The following ADRA1B variants were observed in gnomAD, a reference collection of about 807,000 sequenced individuals.
The protein encoded by ADRA1B is adrenoceptor alpha 1B.
Under a neutral mutation model 17.9 loss-of-function variants are expected in ADRA1B, and 17 were observed. That is an observed-to-expected ratio of 0.95 (90% CI 0.65 to 1.42). The LOEUF is 1.42. ADRA1B is among the 40% of genes most tolerant of loss of function. The pLI, the probability that ADRA1B is intolerant of heterozygous loss-of-function variation, is 0.00. For synonymous variants in ADRA1B, 366 were observed against 327.6 expected (o/e 1.12, Z -1.27); for missense variants, 681 against 722.1 (o/e 0.94, Z 0.65).
intron 1 of ADRA1B, among the ~76,000 whole-genome samples, chr5:159,940,428 G>C (rs781475163): frequency 1.3e-5 from 2 of 152,000 alleles, no homozygotes; most frequent in Non-Finnish European, 2.9e-5. Flanking sequence ...CTGTTAGTTC[G>C]GTTTAGCCAG....
At chr5:159,944,556 T>G (rs765452616) in intron 1 of ADRA1B, among the ~76,000 whole-genome samples, 1 of 152,216 alleles carries the variant, frequency 6.6e-6, no homozygotes, top group Non-Finnish European at 1.5e-5. Context: ...TAATAAAAGA[T>G]GATTGCTTGC....
intron 1 of ADRA1B, among the ~76,000 whole-genome samples, chr5:159,935,113 G>A (rs1370788582): frequency 6.6e-6 from 1 of 152,146 alleles, no homozygotes; most frequent in Non-Finnish European, 1.5e-5. Flanking sequence ...TTCGATGAAT[G>A]GGCTATGTGT....
At chr5:159,969,738 T>C (rs771998833) in intron 1 of ADRA1B, among the ~76,000 whole-genome samples, 1 of 152,190 alleles carries the variant, frequency 6.6e-6, no homozygotes, top group East Asian at 1.9e-4. Flanking sequence ...GGTTAGAAGA[T>C]ACAAAATGTT....
chr5:159,877,583 G>T (rs1177418483), intron 1 of ADRA1B, among the ~76,000 whole-genome samples: 1 of 152,124 alleles, frequency 6.6e-6, no homozygotes, highest in African/African-American at 2.4e-5. Context: ...TAGGGCAGTG[G>T]TCACAAAAAT....
At position 159,971,998 on chromosome 5, in the gene ADRA1B, C is replaced by A. The variant is rs200619403; in HGVS notation, c.1069C>A (p.Arg357Ser). 8.8e-6 allele frequency: 13 copies of A among 1,475,130 alleles called. No individual in the cohort carries two copies. In the Admixed American group the frequency reaches 1.8e-4, roughly 21 times the overall value. 91.4% of individuals were successfully genotyped at this position (1,475,130 alleles called of 1,614,324 possible). Reference sequence around the variant, plus strand: ...CCCATGCTCCAGCAAGGAGTTCAAGCGCGCTTTCGTGCGCATCCTCGGGTG... The same window carrying A: ...CCCATGCTCCAGCAAGGAGTTCAAGAGCGCTTTCGTGCGCATCCTCGGGTG... ...IYPCSSKEFK[R>S]AFVRILGCQC... Residue 357 changes from arginine (R) to serine (S), a missense_variant, in exon 2 of 2, where the codon CGC becomes AGC. Arg to Ser is a moderately radical substitution (Grantham distance 110). Coordinates refer to ENST00000306675, the MANE Select transcript of ADRA1B (RefSeq NM_000679.4).
At chr5:159,885,440 G>A (rs1431054397) in intron 1 of ADRA1B, among the ~76,000 whole-genome samples, 2 of 152,136 alleles carry the variant, frequency 1.3e-5, no homozygotes, top group Non-Finnish European at 2.9e-5. Context: ...TCTGGCCAAT[G>A]AGACATAAGC....
intron 1 of ADRA1B, among the ~76,000 whole-genome samples, chr5:159,949,099 T>G (rs943719382): frequency 1.3e-5 from 2 of 152,202 alleles, no homozygotes; most frequent in Non-Finnish European, 2.9e-5. Flanking sequence ...AAAATTGTAA[T>G]TTCAGGGAAA....
chr5:159,874,883 A>T (rs946900302), intron 1 of ADRA1B, among the ~76,000 whole-genome samples: 2 of 152,324 alleles, frequency 1.3e-5, no homozygotes, highest in African/African-American at 4.8e-5. Context: ...TTGCACGAAA[A>T]GGGTATGTCC....
intron 1 of ADRA1B, chr5:159,866,745 T>C (rs1561578066): frequency 6.6e-6 from 1 of 152,286 alleles, no homozygotes; most frequent in South Asian, 2.1e-4. Context: ...TAGAAACTTC[T>C]GGGGCAAGAA....
At chr5:159,904,868 A>G (rs1035752595) in intron 1 of ADRA1B, among the ~76,000 whole-genome samples, 1 of 152,248 alleles carries the variant, frequency 6.6e-6, no homozygotes, top group Non-Finnish European at 1.5e-5. Context: ...CTCAATAAAT[A>G]TCTGCTAATC....
intron 1 of ADRA1B, among the ~76,000 whole-genome samples, chr5:159,958,456 A>C (rs77568997): frequency 0.026 from 3,959 of 152,114 alleles, 166 homozygotes; most frequent in African/African-American, 0.09. Flanking sequence ...ATTTTTTTTA[A>C]TTACTATGAT....
intron 1 of ADRA1B, among the ~76,000 whole-genome samples, chr5:159,890,466 G>A (rs1340811280): frequency 6.6e-6 from 1 of 152,214 alleles, no homozygotes; most frequent in Non-Finnish European, 1.5e-5. Context: ...CTGGGGATCA[G>A]CATTCAGACA....
rs1431837228 is a variant in ADRA1B, at chr5:159,926,527, C to G, written c.949+8673C>G. 3.3e-5 allele frequency among the ~76,000 whole-genome samples: 5 copies of G among 152,262 alleles called. No homozygotes were observed. In the East Asian group the frequency reaches 9.6e-4, roughly 29 times the overall value. On this transcript the variant is annotated intron_variant, in intron 1 of 1. Transcript: ENST00000306675. ...TAGGATTCATACAGCGTGTACCAGA[C>G]TTCTTCTAGTATTTGAACCTCCCAC... is the stretch of plus-strand genomic sequence containing the variant.
At chr5:159,986,459 G>C in the ADRA1B span, among the ~76,000 whole-genome samples, 1 of 152,202 alleles carries the variant, frequency 6.6e-6, no homozygotes. Flanking sequence ...TGTGAGACTA[G>C]AGAGAGTCAT....
chr5:159,897,729 T>G (rs1251564902), intron 1 of ADRA1B, among the ~76,000 whole-genome samples: 1 of 152,146 alleles, frequency 6.6e-6, no homozygotes, highest in Non-Finnish European at 1.5e-5. Context: ...AGATGGTGCT[T>G]CCAGAATCCC....
chr5:159,935,338 G>A (rs933205981), intron 1 of ADRA1B, among the ~76,000 whole-genome samples: 41 of 152,050 alleles, frequency 2.7e-4, no homozygotes, highest in African/African-American at 9.9e-4. Flanking sequence ...TGATATTTCA[G>A]TCATTCCAAA....
chr5:159,935,608 G>A (rs969475664), intron 1 of ADRA1B, among the ~76,000 whole-genome samples: 3 of 152,140 alleles, frequency 2.0e-5, no homozygotes, highest in East Asian at 1.9e-4. Context: ...GAACCGTGGC[G>A]CAATCTCGGC....
chr5:159,975,155 T>C (rs942523420), downstream of ADRA1B, among the ~76,000 whole-genome samples: 1 of 152,148 alleles, frequency 6.6e-6, no homozygotes. Flanking sequence ...TCACAAATCT[T>C]CTAACAAATC....
intron 1 of ADRA1B, among the ~76,000 whole-genome samples, chr5:159,877,671 C>T (rs908005254): frequency 1.3e-5 from 2 of 152,084 alleles, no homozygotes; most frequent in African/African-American, 4.8e-5. Context: ...GCACTTTGCA[C>T]CCATTATGTC....
Sources: gnomAD v4.1 joint callset for allele counts (sites outside exome capture counted in the v4.1 genomes callset) on GRCh38, gnomAD v4.1.1 for gene constraint, MANE v1.5 for transcripts, NCBI Gene and HGNC (gene_info 2026-07-23, HGNC 2026-07-21) for gene names.